Variants in TNFRSF11B observed in about 807,000 individuals in gnomAD.
The protein encoded by TNFRSF11B is TNF receptor superfamily member 11b, also known as tumor necrosis factor receptor superfamily member 11B.
A neutral mutation model predicts 43.4 loss-of-function variants in TNFRSF11B; 16 were observed. That is an observed-to-expected ratio of 0.37 (90% CI 0.25 to 0.56). The LOEUF (loss-of-function observed/expected upper bound fraction) is 0.56, where lower values mean the gene tolerates loss of function less well. TNFRSF11B is among the 20% of genes least tolerant of loss of function. The pLI is 0.80. For missense variants in TNFRSF11B, 444 were observed against 490.1 expected (o/e 0.91, Z 0.89); for synonymous variants, 185 against 181.8 (o/e 1.02, Z -0.14).
chr8:118,928,659 G>T, intron 3 of TNFRSF11B, 79 bp downstream of exon 3: 1 of 1,474,116 alleles, frequency 6.8e-7, no homozygotes, highest in Non-Finnish European at 9.5e-7. Context: ...CAAGAATGTG[G>T]CTGGAGGCCT....
intron 1 of TNFRSF11B, among the ~76,000 whole-genome samples, chr8:118,950,647 CT>C (rs1812629553): frequency 6.6e-6 from 1 of 152,106 alleles, no homozygotes; most frequent in Admixed American, 6.6e-5. Flanking sequence ...TAAAGGTTTA[CT>C]TTTTTAAAAG....
At chr8:118,948,954 C>A (rs1206585804) in intron 1 of TNFRSF11B, among the ~76,000 whole-genome samples, 1 of 152,138 alleles carries the variant, frequency 6.6e-6, no homozygotes, top group Non-Finnish European at 1.5e-5. Flanking sequence ...TCCACCCCAA[C>A]TCCTAGTATC....
intron 1 of TNFRSF11B, among the ~76,000 whole-genome samples, chr8:118,944,975 T>C (rs1034014656): frequency 4.6e-5 from 7 of 152,124 alleles, no homozygotes; most frequent in African/African-American, 1.7e-4. Context: ...CTATGCATAT[T>C]GGCTAAAGAC....
chr8:118,927,432 G>A (rs1812258793), intron 3 of TNFRSF11B, among the ~76,000 whole-genome samples: 1 of 151,686 alleles, frequency 6.6e-6, no homozygotes, highest in African/African-American at 2.4e-5. Context: ...AAATGTTAAA[G>A]CCTCTATAGC....
intron 2 of TNFRSF11B, 73 bp downstream of exon 2, chr8:118,932,858 G>T (rs953432652): frequency 6.3e-7 from 1 of 1,588,878 alleles, no homozygotes. Context: ...CAGAACAAAA[G>T]TGTTCTCCTA....
chr8:118,929,765 C>A (rs981199499), intron 2 of TNFRSF11B, among the ~76,000 whole-genome samples: 5 of 152,158 alleles, frequency 3.3e-5, no homozygotes, highest in African/African-American at 1.2e-4. Context: ...TCATACATTC[C>A]AGTGTATCTG....
intron 2 of TNFRSF11B, among the ~76,000 whole-genome samples, chr8:118,932,661 TA>T (rs5894464): frequency 0.11 from 15,911 of 144,634 alleles, 937 homozygotes; most frequent in African/African-American, 0.17. Flanking sequence ...TTTGTTTCTT[TA>T]AAAAAAAAAA....
At chr8:118,936,427 G>A (rs1812407011) in intron 1 of TNFRSF11B, among the ~76,000 whole-genome samples, 1 of 152,096 alleles carries the variant, frequency 6.6e-6, no homozygotes, top group African/African-American at 2.4e-5. Context: ...TCAATCTTTG[G>A]TTAGCCCCAA....
At chr8:118,949,335 CCCT>C (rs1332329093) in intron 1 of TNFRSF11B, among the ~76,000 whole-genome samples, 1 of 152,150 alleles carries the variant, frequency 6.6e-6, no homozygotes, top group East Asian at 1.9e-4. Context: ...GGCCATCTCT[CCCT>C]CCTCTGAGTA....
Position 118,926,835 on chromosome 8 carries a change from C to T in TNFRSF11B, c.593-117G>A, listed in dbSNP as rs11573929. Reference sequence around the variant, plus strand: ...ATTGAATTTTCCAAGATAAAATATGCTAAAATGCAAAGTTTGAATAAAATC... The same window carrying T: ...ATTGAATTTTCCAAGATAAAATATGTTAAAATGCAAAGTTTGAATAAAATC... On this transcript the variant is annotated intron_variant, in intron 3 of 4. Transcript: ENST00000297350. The T allele has an allele frequency of 4.5e-3, 4,682 of 1,034,152 alleles. 129 individuals are homozygous for T. The African/African-American group carries it at 0.06, about 13-fold the overall frequency. 64.1% of individuals were successfully genotyped at this position (1,034,152 alleles called of 1,614,324 possible).
intron 3 of TNFRSF11B, among the ~76,000 whole-genome samples, chr8:118,928,510 A>AGG (rs1482496411): frequency 1.1e-4 from 16 of 152,210 alleles, no homozygotes; most frequent in African/African-American, 3.9e-4. Flanking sequence ...TCAGTGTGAA[A>AGG]GGAGAGAAAA....
chr8:118,936,515 T>C (rs1243796184), intron 1 of TNFRSF11B, among the ~76,000 whole-genome samples: 1 of 152,168 alleles, frequency 6.6e-6, no homozygotes, highest in Non-Finnish European at 1.5e-5. Flanking sequence ...CTCAGTCCTT[T>C]CTCTCGGTTT....
chr8:118,945,997 T>C (rs1812556073), intron 1 of TNFRSF11B, among the ~76,000 whole-genome samples: 3 of 152,170 alleles, frequency 2.0e-5, no homozygotes, highest in Admixed American at 6.5e-5. Flanking sequence ...TTTTAATAGG[T>C]ATTAAGACTA....
intron 2 of TNFRSF11B, among the ~76,000 whole-genome samples, chr8:118,929,553 T>A (rs756594780): frequency 4.6e-5 from 7 of 152,234 alleles, no homozygotes; most frequent in African/African-American, 7.2e-5. Context: ...GAAGATGATA[T>A]ACCATTTGCT....
Position 118,936,667 on chromosome 8 carries a change from C to CCTT in TNFRSF11B, c.31-3370_31-3368dup, listed in dbSNP as rs202244930. ...ATTCATTTCTGTGTAAAATGCAGACCCTTGATGAGCATCTGCCCAAGCTGG... is the reference window on the plus strand; with the variant it reads ...ATTCATTTCTGTGTAAAATGCAGACCCTTCTTGATGAGCATCTGCCCAAGCTGG... On this transcript the variant is annotated intron_variant, in intron 1 of 4. Transcript: ENST00000297350. Among the ~76,000 whole-genome samples the CCTT allele has an allele frequency of 9.6e-3, 1,454 of 151,954 alleles. 25 individuals carry two copies. The highest frequency in any genetic ancestry group is 0.034 in the African/African-American group (1,393 of 41,432).
chr8:118,924,363 G>A lies in TNFRSF11B; in HGVS notation c.*11C>T, dbSNP rs749520478. ...CCAATTGTGAGGAAACAGCTCAATG[G>A]CCATTTCCAGTTATAAGCAGCTTAT... On this transcript the variant is annotated 3_prime_UTR_variant, in exon 5 of 5. Coordinates refer to ENST00000297350, the MANE Select transcript of TNFRSF11B (RefSeq NM_002546.4). 1.9e-6 allele frequency: 3 copies of A among 1,613,834 alleles called. No homozygotes were observed.
chr8:118,933,932 C>T (rs929120420), intron 1 of TNFRSF11B, among the ~76,000 whole-genome samples: 2 of 152,076 alleles, frequency 1.3e-5, no homozygotes, highest in African/African-American at 4.8e-5. Flanking sequence ...AAATTCTGCC[C>T]TTATGGAGTT....
Position 118,924,236 on chromosome 8 carries a change from TTC to T in TNFRSF11B, c.*136_*137del, listed in dbSNP as rs1812218832. On this transcript the variant is annotated 3_prime_UTR_variant, in exon 5 of 5. Transcript: ENST00000297350. ...GTTAGTCCTTTCTCCACATCATAGT[TTC>T]TTTTAGTACCCTGTGGCAAAATTAG... 1 of 907,672 alleles carries T rather than the reference TTC, an allele frequency of 1.1e-6. No individual in the cohort carries two copies. 56.2% of individuals were successfully genotyped at this position (907,672 alleles called of 1,614,324 possible). A position where few individuals can be genotyped will look rare whatever the true frequency, so the allele number is the denominator to read the frequency against.
chr8:118,943,915 C>G (rs1178410030), intron 1 of TNFRSF11B, among the ~76,000 whole-genome samples: 1 of 152,054 alleles, frequency 6.6e-6, no homozygotes, highest in South Asian at 2.1e-4. Flanking sequence ...CCCAGCTAAC[C>G]CTTTATGTAA....
Sources: allele counts gnomAD v4.1 joint callset (sites outside exome capture counted in the v4.1 genomes callset), GRCh38; gene constraint gnomAD v4.1.1; transcripts MANE v1.5; gene names NCBI Gene and HGNC (gene_info 2026-07-23, HGNC 2026-07-21).